Variants in NFASC observed in about 807,000 individuals in gnomAD.
The protein encoded by NFASC is neurofascin homolog.
In NFASC, 43 loss-of-function variants were observed where a neutral mutation model predicts 147.5. That is an observed-to-expected ratio of 0.29 (90% confidence interval 0.23 to 0.38). The LOEUF (loss-of-function observed/expected upper bound fraction) is 0.38. Among genes scored for constraint, NFASC ranks in the 10% least tolerant of loss-of-function variants. NFASC has a pLI of 1.00. For synonymous variants in NFASC, 622 were observed against 665.5 expected (o/e 0.93, Z 1.01); for missense variants, 1,320 against 1,689.0 (o/e 0.78, Z 3.83).
intron 1 of NFASC, among the ~76,000 whole-genome samples, chr1:204,917,397 A>G (rs562556761): frequency 2.0e-5 from 3 of 152,320 alleles, no homozygotes; most frequent in Non-Finnish European, 2.9e-5. Context: ...AGAGGAGAGA[A>G]TAATATAATG....
At chr1:204,911,365 T>A (rs1472227092) in intron 1 of NFASC, among the ~76,000 whole-genome samples, 2 of 152,222 alleles carry the variant, frequency 1.3e-5, no homozygotes, top group East Asian at 3.8e-4. Flanking sequence ...AAGGACTTTT[T>A]TTAAATGAAT....
Position 204,976,801 on chromosome 1 carries a change from T to A in NFASC, c.1831+6T>A, listed in dbSNP as rs1464352849. On this transcript the variant is annotated splice_donor_region_variant and intron_variant, in intron 16 of 29. Transcript: ENST00000339876. Reference sequence around the variant, plus strand: ...GGCCTACCTCACCGTGCTAGGTAACTGCCCATGCTCACCCTGGCACTGACC... The same window carrying A: ...GGCCTACCTCACCGTGCTAGGTAACAGCCCATGCTCACCCTGGCACTGACC... 6.2e-7 allele frequency: 1 copy of A among 1,612,668 alleles called. No individual in the cohort carries two copies. The highest frequency in any genetic ancestry group is 8.5e-7 in the Non-Finnish European group (1 of 1,179,230).
chr1:205,009,327 T>C, intron 27 of NFASC: 2 of 674,028 alleles, frequency 3.0e-6, no homozygotes, highest in Non-Finnish European at 5.4e-6. Flanking sequence ...GCTTATTTGC[T>C]CCTTGTACCC....
intron 1 of NFASC, among the ~76,000 whole-genome samples, chr1:204,878,888 G>A (rs1023997508): frequency 6.6e-6 from 1 of 152,254 alleles, no homozygotes; most frequent in Non-Finnish European, 1.5e-5. Flanking sequence ...CATCCAGGAG[G>A]CAGGGGGACA....
chr1:204,936,114 CCT>C lies in NFASC; in HGVS notation c.-90-8111_-90-8110del, dbSNP rs568511634. 2.2e-3 allele frequency among the ~76,000 whole-genome samples: 339 copies of C among 152,108 alleles called. 2 individuals are homozygous for C. Among genetic ancestry groups the C allele is most frequent in the Non-Finnish European group, 2.6e-3 (176 of 68,006 alleles). On this transcript the variant is annotated intron_variant, in intron 2 of 29. Coordinates refer to ENST00000339876, the MANE Select transcript of NFASC (RefSeq NM_001005388.3). ...TGCCCAATCCTCCTTGAAGAAGGCC[CCT>C]GAGTCATTTTCGGAAAACCCACCAG...
At chr1:204,922,525 A>T (rs2090694544) in intron 2 of NFASC, among the ~76,000 whole-genome samples, 1 of 152,248 alleles carries the variant, frequency 6.6e-6, no homozygotes, top group South Asian at 2.1e-4. Context: ...ATTCAGTGAT[A>T]TGAGCAAGGC....
At chr1:204,937,320 T>A (rs2092950261) in intron 2 of NFASC, among the ~76,000 whole-genome samples, 1 of 152,180 alleles carries the variant, frequency 6.6e-6, no homozygotes, top group African/African-American at 2.4e-5. Context: ...TGACCCACAG[T>A]CCACAGTTGA....
At chr1:204,946,680 G>A (rs2093763215) in intron 3 of NFASC, 1 of 516,962 alleles carries the variant, frequency 1.9e-6, no homozygotes, top group South Asian at 1.4e-5. Context: ...TGGTGGTCAT[G>A]TACGGCGAGG....
At chr1:204,948,608 T>G in intron 3 of NFASC, 1 of 518,950 alleles carries the variant, frequency 1.9e-6, no homozygotes, top group Non-Finnish European at 3.8e-6. Flanking sequence ...AACAAAAAAC[T>G]CTGGACCAGG....
rs775661850 is a variant in NFASC at position 204,944,393 on chromosome 1, A to C, written c.78A>C (p.Glu26Asp). 5.6e-6 allele frequency: 9 copies of C among 1,599,770 alleles called. No homozygotes were observed. The South Asian group carries it at 8.8e-5, about 16-fold the overall frequency. The change falls in exon 3 of 30, where the codon GAA (glutamate) becomes GAC (aspartate). Residue 26 changes from glutamate (E) to aspartate (D), a missense_variant. Glu to Asp is a conservative substitution (Grantham distance 45, BLOSUM62 2). This residue lies in a region of NFASC where 981 missense variants were observed against 1,289.5 expected (regional missense o/e 0.76). Coordinates refer to ENST00000339876, the MANE Select transcript of NFASC (RefSeq NM_001005388.3). ...TCCTCAGTCTTGGCGGAGCCATCGA[A>C]ATTCCTATGGATCGTGAGTCCTGCC... ...LCLLSLGGAIEIPMDPSIQNE... is the reference protein window; with the variant it reads ...LCLLSLGGAIDIPMDPSIQNE...
chr1:204,878,773 C>T (rs1572393085), intron 1 of NFASC, among the ~76,000 whole-genome samples: 1 of 152,290 alleles, frequency 6.6e-6, no homozygotes, highest in East Asian at 1.9e-4. Context: ...GGAGAGTCGG[C>T]AGATCTGGGC....
chr1:204,939,359 T>C (rs2093174026), intron 2 of NFASC, among the ~76,000 whole-genome samples: 1 of 152,144 alleles, frequency 6.6e-6, no homozygotes. Context: ...CACGGCTGCA[T>C]TTATCAGACA....
At chr1:204,900,534 C>T (rs937820867) in intron 1 of NFASC, among the ~76,000 whole-genome samples, 1 of 152,094 alleles carries the variant, frequency 6.6e-6, no homozygotes, top group Non-Finnish European at 1.5e-5. Context: ...TAGCAGTAAA[C>T]AAAACAGATA....
chr1:205,011,704 AGTTAC>A (rs1416265193), intron 28 of NFASC, among the ~76,000 whole-genome samples: 1 of 152,214 alleles, frequency 6.6e-6, no homozygotes, highest in Admixed American at 6.5e-5. Flanking sequence ...GTCACTAATT[AGTTAC>A]GTGACATGCT....
chr1:204,975,388 A>T lies in NFASC; in HGVS notation c.1676A>T (p.Lys559Met), dbSNP rs745675415. ...CTGAAACTCACCGTCTCCTGGCTGA[A>T]GGATGACGAGCCGCTCTATATTGGA... ...PSLKLTVSWLKDDEPLYIGNR... is the reference protein window; with the variant it reads ...PSLKLTVSWLMDDEPLYIGNR... Residue 559 changes from lysine (K) to methionine (M), a missense_variant, in exon 15 of 30, where the codon AAG becomes ATG. This residue lies in a region of NFASC where 981 missense variants were observed against 1,289.5 expected (regional missense o/e 0.76). Transcript: ENST00000339876. The surrounding 1 kb of genome is among the most constrained non-coding windows in gnomAD (Gnocchi z 4.0). 3 of 1,613,972 alleles carry T rather than the reference A, an allele frequency of 1.9e-6. No individual in the cohort carries two copies. The highest frequency in any genetic ancestry group is 2.5e-6 in the Non-Finnish European group (3 of 1,179,946).
intron 3 of NFASC, among the ~76,000 whole-genome samples, chr1:204,949,842 G>A (rs188796206): frequency 4.7e-4 from 71 of 152,342 alleles, no homozygotes; most frequent in African/African-American, 1.7e-3. Flanking sequence ...CACACTTCAG[G>A]TAGGAGCTGG....
chr1:204,905,198 C>T (rs2085552550), intron 1 of NFASC, among the ~76,000 whole-genome samples: 1 of 152,212 alleles, frequency 6.6e-6, no homozygotes, highest in Non-Finnish European at 1.5e-5. Context: ...CATCCTCCTG[C>T]CTCAGCCTCC....
At chr1:204,941,258 T>C (rs928023359) in intron 2 of NFASC, among the ~76,000 whole-genome samples, 4 of 152,230 alleles carry the variant, frequency 2.6e-5, no homozygotes, top group African/African-American at 7.2e-5. Flanking sequence ...TTTCCTCTTG[T>C]AAGGTTTTGT....
At position 204,899,440 on chromosome 1, in the gene NFASC, C is replaced by G. The variant is rs905206588; in HGVS notation, c.-199-21192C>G. On this transcript the variant is annotated intron_variant, in intron 1 of 29. Coordinates refer to ENST00000339876, the MANE Select transcript of NFASC (RefSeq NM_001005388.3). ...CACTCAGCATCTCTCTCCTTTCCCC[C>G]AGTCCAAGCGCCAACTCCACTGGTA... Among the ~76,000 whole-genome samples the G allele has an allele frequency of 3.9e-5, 6 of 152,212 alleles. 1 individual carries two copies. Among genetic ancestry groups the G allele is most frequent in the African/African-American group, 1.4e-4 (6 of 41,446 alleles).
Sources: gnomAD v4.1 joint callset for allele counts (sites outside exome capture counted in the v4.1 genomes callset) on GRCh38, gnomAD v4.1.1 for gene constraint, gnomAD v4.1.1 regional missense constraint, Gnocchi (gnomAD v3.1) non-coding constraint, MANE v1.5 for transcripts, NCBI Gene and HGNC (gene_info 2026-07-23, HGNC 2026-07-21) for gene names.